SLC20A1: variants seen among roughly 807,000 people sequenced by gnomAD.
SLC20A1 encodes the protein sodium-dependent phosphate transporter 1.
Under a neutral mutation model 62.7 loss-of-function variants are expected in SLC20A1, and 28 were observed. The observed-to-expected ratio is 0.45, with a 90% CI of 0.33 to 0.61. The LOEUF is 0.61. Among genes scored for constraint, SLC20A1 ranks in the 20% least tolerant of loss-of-function variants. The pLI is 0.02. For missense variants in SLC20A1, 673 were observed against 838.6 expected, an observed-to-expected ratio of 0.80 and a Z score of 2.44; for synonymous variants, 305 against 302.9, an observed-to-expected ratio of 1.01 and a Z score of -0.07.
chr2:112,662,928 G>T lies in SLC20A1; in HGVS notation c.1943G>T (p.Arg648Leu). Residue 648 changes from arginine (R) to leucine (L), a missense_variant, in exon 11 of 11, where the codon CGT becomes CTT. Physicochemically the swap from Arg to Leu is moderately radical, Grantham distance 102. Coordinates refer to ENST00000272542, the MANE Select transcript of SLC20A1 (RefSeq NM_005415.5). ...SKKAVDWRLF[R>L]NIFMAWFVTV... ...AAGGCTGTTGACTGGCGTCTCTTTC[G>T]TAACATTTTTATGGCCTGGTTTGTC... The T allele has an allele frequency of 6.2e-7, 1 of 1,614,160 alleles. No individual in the cohort carries two copies. The highest frequency in any genetic ancestry group is 8.5e-7 in the Non-Finnish European group (1 of 1,180,022).
chr2:112,647,762 G>C, intron 4 of SLC20A1, 24 bp downstream of exon 4: 2 of 1,559,948 alleles, frequency 1.3e-6, no homozygotes, highest in Non-Finnish European at 1.8e-6. Flanking sequence ...CCCGTATGAA[G>C]ACCTTTCATG....
intron 10 of SLC20A1, among the ~76,000 whole-genome samples, 155 bp from the exon 11 acceptor site, chr2:112,662,709 T>G (rs759528444): frequency 6.6e-6 from 1 of 152,270 alleles, no homozygotes; most frequent in Non-Finnish European, 1.5e-5. Context: ...CAAATTGCCT[T>G]CATTTTCCCA....
At chr2:112,656,456 C>T (rs1012533268) in intron 5 of SLC20A1, among the ~76,000 whole-genome samples, 2 of 152,102 alleles carry the variant, frequency 1.3e-5, no homozygotes, top group Non-Finnish European at 2.9e-5. Flanking sequence ...CTGCCACGGC[C>T]TCCCAAAGTG....
chr2:112,654,964 ATTTT>A (rs371613434), intron 5 of SLC20A1, among the ~76,000 whole-genome samples: 10 of 89,376 alleles, frequency 1.1e-4, no homozygotes, highest in South Asian at 4.3e-4. Context: ...TTTGTTTCTA[ATTTT>A]TTTTTTTTTT....
At chr2:112,655,380 A>T (rs1385445025) in intron 5 of SLC20A1, among the ~76,000 whole-genome samples, 1 of 151,974 alleles carries the variant, frequency 6.6e-6, no homozygotes, top group African/African-American at 2.4e-5. Flanking sequence ...TGACTTTTTG[A>T]TGGGTTTATA....
chr2:112,653,749 A>T (rs1010395600), intron 5 of SLC20A1, among the ~76,000 whole-genome samples: 1 of 152,008 alleles, frequency 6.6e-6, no homozygotes, highest in Non-Finnish European at 1.5e-5. Context: ...ACCTCACTGA[A>T]GTAGTAAGTT....
intron 4 of SLC20A1, chr2:112,652,377 C>T: frequency 2.8e-6 from 1 of 359,410 alleles, no homozygotes; most frequent in South Asian, 3.5e-5. Context: ...ATAGCCTATC[C>T]TCAGGTGTGT....
At chr2:112,656,124 CT>C (rs1191112670) in intron 5 of SLC20A1, among the ~76,000 whole-genome samples, 4 of 146,198 alleles carry the variant, frequency 2.7e-5, no homozygotes, top group Non-Finnish European at 6.0e-5. Context: ...CTAGGCAAGT[CT>C]TTTTTTAAGG....
intron 8 of SLC20A1, 25 bp from the exon 9 acceptor site, chr2:112,660,362 C>T (rs1321587270): frequency 1.9e-6 from 3 of 1,608,692 alleles, no homozygotes; most frequent in Non-Finnish European, 2.5e-6. Flanking sequence ...TGAAAAGTCA[C>T]TTCTGCCCTC....
At chr2:112,661,473 A>C (rs1686746600) in intron 10 of SLC20A1, among the ~76,000 whole-genome samples, 1 of 151,592 alleles carries the variant, frequency 6.6e-6, no homozygotes. Flanking sequence ...TTGTTACTTT[A>C]TCCTCCCTCA....
chr2:112,660,479 A>C lies in SLC20A1; in HGVS notation c.1700A>C (p.Tyr567Ser). Residue 567 changes from tyrosine (Y) to serine (S), a missense_variant, in exon 9 of 11, where the codon TAT becomes TCT. Coordinates refer to ENST00000272542, the MANE Select transcript of SLC20A1 (RefSeq NM_005415.5). Reference sequence around the variant, plus strand: ...GCAACACCAATATGGCTTCTACTCTATGGTGGTGTTGGTATCTGTGTTGGT... The same window carrying C: ...GCAACACCAATATGGCTTCTACTCTCTGGTGGTGTTGGTATCTGTGTTGGT... ...KVATPIWLLL[Y>S]GGVGICVGLW... is the part of the protein sequence containing the mutation. 1 of 1,614,174 alleles carries C rather than the reference A, an allele frequency of 6.2e-7. No homozygotes were observed. The highest frequency in any genetic ancestry group is 8.5e-7 in the Non-Finnish European group (1 of 1,180,000).
chr2:112,662,742 T>C lies in SLC20A1; in HGVS notation c.1879-122T>C, dbSNP rs982134787. On this transcript the variant is annotated intron_variant, in intron 10 of 10. Transcript: ENST00000272542. The stretch of plus-strand genomic sequence containing the variant: ...CCAGCTTAACCTGTTGTAAACCAGC[T>C]TTCTTGGACTTTGTCTTGTCCAGGG... 11 of 929,072 alleles carry C rather than the reference T, an allele frequency of 1.2e-5. No individual in the cohort carries two copies. The Admixed American group carries it at 2.8e-4, about 23-fold the overall frequency. The allele number at this position is 929,072 out of a possible 1,614,324, so 57.6% of individuals were successfully genotyped here.
At position 112,659,314 on chromosome 2, in the gene SLC20A1, C is replaced by T. The variant is rs1686686755; in HGVS notation, c.1159C>T (p.Leu387=). The change falls in exon 8 of 11, where the codon CTG becomes TTG. Residue 387 remains leucine, a synonymous_variant. Coordinates refer to ENST00000272542, the MANE Select transcript of SLC20A1 (RefSeq NM_005415.5). Reference sequence around the variant, plus strand: ...TCACACCGTGCATAAGGATTCCGGCCTGTACAAAGAGCTACTCCATAAATT... The same window carrying T: ...TCACACCGTGCATAAGGATTCCGGCTTGTACAAAGAGCTACTCCATAAATT... ...QYHTVHKDSG[L]YKELLHKLHL... is the part of the protein sequence containing the mutation. The T allele has an allele frequency of 6.2e-7, 1 of 1,614,204 alleles. No homozygotes were observed. Among genetic ancestry groups the T allele is most frequent in the Non-Finnish European group, 8.5e-7 (1 of 1,180,052 alleles).
chr2:112,662,254 T>C (rs942485874), intron 10 of SLC20A1, among the ~76,000 whole-genome samples: 5 of 152,184 alleles, frequency 3.3e-5, no homozygotes, highest in Non-Finnish European at 7.3e-5. Context: ...CTGTAAATAA[T>C]CTTAGGAAGA....
rs1402011123 is a variant in SLC20A1, at chr2:112,647,116, C to G, written c.288C>G (p.Asn96Lys). The G allele has an allele frequency of 1.1e-5, 17 of 1,614,026 alleles. No homozygotes were observed. Among genetic ancestry groups the G allele is most frequent in the Non-Finnish European group, 1.4e-5 (17 of 1,180,028 alleles). Residue 96 changes from asparagine to lysine, a missense_variant, in exon 2 of 11, where the codon AAC (asparagine) becomes AAG (lysine). Asn to Lys is a moderately conservative substitution (Grantham distance 94, BLOSUM62 0). Transcript: ENST00000272542. ...GCTTGATTGACGTGGAGATGTACAA[C>G]TCGACTCAAGGGCTGCTGATGGCCG... Reference protein sequence around the residue: ...RKGLIDVEMYNSTQGLLMAGS... With the variant: ...RKGLIDVEMYKSTQGLLMAGS...
intron 4 of SLC20A1, among the ~76,000 whole-genome samples, chr2:112,649,711 C>T (rs1390425617): frequency 6.6e-6 from 1 of 152,286 alleles, no homozygotes; most frequent in East Asian, 1.9e-4. Flanking sequence ...GAATATGCTT[C>T]AGTGCTCCTG....
chr2:112,647,292 T>C, intron 2 of SLC20A1, 32 bp from the exon 3 acceptor site: 1 of 1,605,888 alleles, frequency 6.2e-7, no homozygotes, highest in Middle Eastern at 1.7e-4. Flanking sequence ...GGAATTTTGA[T>C]ATTTACTTAA....
At chr2:112,647,625 T>C (rs763116337) in intron 3 of SLC20A1, 28 bp from the exon 4 acceptor site, 1 of 1,598,292 alleles carries the variant, frequency 6.3e-7, no homozygotes. Flanking sequence ...CATTATTTGA[T>C]ATTTTTTCTT....
Position 112,659,496 on chromosome 2 carries a change from G to A in SLC20A1, c.1341G>A (p.Lys447=), listed in dbSNP as rs777911742. The change falls in exon 8 of 11, where the codon AAG becomes AAA. Residue 447 remains lysine, a synonymous_variant. Coordinates refer to ENST00000272542, the MANE Select transcript of SLC20A1 (RefSeq NM_005415.5). ...EGEQKGEEME[K]LTWPNADSKK... ...AACAGAAGGGCGAAGAAATGGAGAA[G>A]CTGACATGGCCTAATGCAGACTCCA... 2 of 1,614,232 alleles carry A rather than the reference G, an allele frequency of 1.2e-6. No homozygotes were observed. The highest frequency in any genetic ancestry group is 1.7e-5 in the Admixed American group (1 of 60,026).
Sources: allele counts gnomAD v4.1 joint callset (sites outside exome capture counted in the v4.1 genomes callset), GRCh38; gene constraint gnomAD v4.1.1; transcripts MANE v1.5; gene names NCBI Gene and HGNC (gene_info 2026-07-23, HGNC 2026-07-21).